Variants in GK observed in about 807,000 individuals in gnomAD.
GK encodes the protein glycerol kinase.
In GK, 9 loss-of-function variants were observed where a neutral mutation model predicts 56.4. That is an observed-to-expected ratio of 0.16 (90% CI 0.10 to 0.28). The LOEUF (loss-of-function observed/expected upper bound fraction) is 0.28. Among genes scored for constraint, GK ranks in the 10% least tolerant of loss-of-function variants. The pLI is 1.00. For missense variants in GK, 161 were observed against 431.4 expected, an observed-to-expected ratio of 0.37 and a Z score of 5.55; for synonymous variants, 104 against 144.1, an observed-to-expected ratio of 0.72 and a Z score of 1.99.
Position 30,728,722 on chromosome X carries a change from C to A in GK, c.1670-10C>A. ...TTATTGACATATATGGTTTTTGTTC[C>A]CCATTTCAGGTATTCCATAAAACCT... On this transcript the variant is annotated splice_polypyrimidine_tract_variant and intron_variant, in intron 20 of 20. Coordinates refer to ENST00000427190, the MANE Select transcript of GK (RefSeq NM_001205019.2). 1 of 1,149,631 alleles carries A rather than the reference C, an allele frequency of 8.7e-7. No homozygotes were observed. Among genetic ancestry groups the A allele is most frequent in the Non-Finnish European group, 1.2e-6 (1 of 840,046 alleles). 94.7% of individuals were successfully genotyped at this position (1,149,631 alleles called of 1,213,427 possible).
At position 30,662,763 on chromosome X, in the gene GK, TTCCTTC is replaced by T. The variant is rs1298880909; in HGVS notation, c.79-2745_79-2740del. Reference sequence around the variant, plus strand: ...CTTCTTTCTTTCCTTCCTTCCTTCCTTCCTTCTCTCTCTCTCTCTCTCTCTTTCTTT... The same window carrying T: ...CTTCTTTCTTTCCTTCCTTCCTTCCTTCTCTCTCTCTCTCTCTCTTTCTTT... On this transcript the variant is annotated intron_variant, in intron 1 of 20. Coordinates refer to ENST00000427190, the MANE Select transcript of GK (RefSeq NM_001205019.2). 1.8e-3 allele frequency among the ~76,000 whole-genome samples: 174 copies of T among 95,834 alleles called. 1 individual carries two copies. The highest frequency in any genetic ancestry group is 2.5e-3 in the African/African-American group (58 of 23,396). The allele number at this position is 95,834 out of a possible 115,157, so 83.2% of individuals were successfully genotyped here.
intron 1 of GK, among the ~76,000 whole-genome samples, chrX:30,661,992 C>CA (rs1487155436): frequency 1.8e-5 from 2 of 112,110 alleles, no homozygotes; most frequent in Non-Finnish European, 3.8e-5. Flanking sequence ...GTACATTTGG[C>CA]CATCTGCAGA....
intron 3 of GK, among the ~76,000 whole-genome samples, chrX:30,676,238 T>A (rs979532999): frequency 3.6e-5 from 4 of 112,461 alleles, no homozygotes; most frequent in Admixed American, 9.4e-5. Context: ...TCTGGCTAAT[T>A]ATTTTATTTT....
intron 4 of GK, among the ~76,000 whole-genome samples, chrX:30,690,060 G>A (rs1934851852): frequency 8.9e-6 from 1 of 111,835 alleles, no homozygotes; most frequent in Non-Finnish European, 1.9e-5. Context: ...TAAGTAATTA[G>A]AAAGAATTGA....
chrX:30,671,986 A>C, intron 3 of GK: 1 of 108,811 alleles, frequency 9.2e-6, no homozygotes, highest in Non-Finnish European at 1.9e-5. Flanking sequence ...TCTACTAAAA[A>C]TACAACATTA....
At chrX:30,709,968 T>A (rs774265550) in intron 13 of GK, among the ~76,000 whole-genome samples, 1 of 111,733 alleles carries the variant, frequency 8.9e-6, no homozygotes, top group East Asian at 2.8e-4. Flanking sequence ...CTCTTTACTG[T>A]TACTCTTTCA....
chrX:30,717,291 C>CT (rs375427534), intron 13 of GK, among the ~76,000 whole-genome samples: 229 of 102,383 alleles, frequency 2.2e-3, no homozygotes, highest in African/African-American at 4.0e-3. Context: ...GCTGATACTT[C>CT]TTTTTTTTTT....
intron 1 of GK, among the ~76,000 whole-genome samples, chrX:30,664,015 T>G (rs1356593790): frequency 2.2e-5 from 2 of 92,480 alleles, no homozygotes; most frequent in African/African-American, 7.9e-5. Flanking sequence ...ATATTTTATA[T>G]ATATCTATAT....
chrX:30,694,182 G>A (rs910591767), intron 5 of GK, among the ~76,000 whole-genome samples: 2 of 111,661 alleles, frequency 1.8e-5, no homozygotes, highest in African/African-American at 6.5e-5. Context: ...ACCTTGCTAC[G>A]TGGATGCCCT....
intron 3 of GK, 35 bp downstream of exon 3, chrX:30,668,153 ACTCT>A: frequency 1.4e-6 from 1 of 724,949 alleles, no homozygotes; most frequent in Non-Finnish European, 2.2e-6. Flanking sequence ...ACATAATAAG[ACTCT>A]CTCAATCAAA....
At chrX:30,691,279 T>C in intron 5 of GK, 80 bp downstream of exon 5, 1 of 550,306 alleles carries the variant, frequency 1.8e-6, no homozygotes, top group East Asian at 3.4e-5. Context: ...GAAAGAAGCA[T>C]CTTATGGTAC....
intron 4 of GK, among the ~76,000 whole-genome samples, chrX:30,685,379 G>T (rs941409330): frequency 2.7e-5 from 3 of 111,417 alleles, no homozygotes; most frequent in Non-Finnish European, 5.7e-5. Context: ...GTGATCCGCC[G>T]GCCTCGGCCT....
chrX:30,657,268 T>C (rs149248172), intron 1 of GK, among the ~76,000 whole-genome samples: 482 of 112,644 alleles, frequency 4.3e-3, no homozygotes, highest in African/African-American at 0.015. Flanking sequence ...ACATGTTCAT[T>C]TCCTCATCAA....
chrX:30,710,789 G>C (rs887052534), intron 13 of GK, among the ~76,000 whole-genome samples: 13 of 110,746 alleles, frequency 1.2e-4, no homozygotes, highest in Non-Finnish European at 2.3e-4. Flanking sequence ...TTTTATTTTG[G>C]TGATTTTTTT....
Position 30,694,619 on chromosome X carries a change from G to A in GK, c.552+82G>A, listed in dbSNP as rs1407873895. 5.0e-6 allele frequency: 4 copies of A among 804,199 alleles called. No individual in the cohort carries two copies. In the African/African-American group the frequency reaches 6.2e-5, roughly 12 times the overall value. The allele number at this position is 804,199 out of a possible 1,213,427, so 66.3% of individuals were successfully genotyped here. ...GCCTTGCCTATTGTTTCTACTAGCA[G>A]GTCAGACTTTTTAATTAGCAGCATT... On this transcript the variant is annotated intron_variant, in intron 6 of 20. Transcript: ENST00000427190.
chrX:30,696,868 A>G (rs986430704), intron 8 of GK, 185 bp downstream of exon 8: 2 of 443,051 alleles, frequency 4.5e-6, no homozygotes, highest in Non-Finnish European at 8.0e-6. Flanking sequence ...GCATTTATAA[A>G]CTTTAATTGG....
chrX:30,662,537 C>A (rs1410495397), intron 1 of GK, among the ~76,000 whole-genome samples: 1 of 111,423 alleles, frequency 9.0e-6, no homozygotes, highest in Non-Finnish European at 1.9e-5. Flanking sequence ...TCCATGAATT[C>A]ATTTTTAGCA....
chrX:30,678,513 T>G (rs1934064813), intron 4 of GK, among the ~76,000 whole-genome samples: 1 of 111,586 alleles, frequency 9.0e-6, no homozygotes, highest in Non-Finnish European at 1.9e-5. Flanking sequence ...GGGATAATTT[T>G]GGGGGAATAA....
chrX:30,698,701 CA>C (rs10682299), intron 9 of GK, among the ~76,000 whole-genome samples: 26 of 81,192 alleles, frequency 3.2e-4, no homozygotes, highest in Admixed American at 7.3e-4. Context: ...GACTCCGTCT[CA>C]AAAAAAAAAA....
Sources: allele counts gnomAD v4.1 joint callset (sites outside exome capture counted in the v4.1 genomes callset), GRCh38; gene constraint gnomAD v4.1.1; transcripts MANE v1.5; gene names NCBI Gene and HGNC (gene_info 2026-07-23, HGNC 2026-07-21).